GOLGA1: variants seen among roughly 807,000 people sequenced by gnomAD.
GOLGA1 encodes the protein golgin A1.
GOLGA1 carries 63 observed loss-of-function variants against 119.7 expected under a neutral mutation model. That is an observed-to-expected ratio of 0.53 (90% CI 0.43 to 0.65). The LOEUF (loss-of-function observed/expected upper bound fraction) is 0.65. Among genes scored for constraint, GOLGA1 ranks in the 30% least tolerant of loss-of-function variants. The pLI is 0.00. For synonymous variants in GOLGA1, 318 were observed against 333.4 expected, an observed-to-expected ratio of 0.95 and a Z score of 0.50; for missense variants, 798 against 912.8, an observed-to-expected ratio of 0.87 and a Z score of 1.62.
Position 124,946,866 on chromosome 9 carries a change from T to C in GOLGA1, c.-156+1052A>G, listed in dbSNP as rs1799215539. On this transcript the variant is annotated intron_variant, in intron 1 of 4. Coordinates refer to the GOLGA1 transcript ENST00000421514. This position sits in a 1 kb window ranked among gnomAD's most constrained non-coding sequence, Gnocchi z 4.0. ...TATTCAGTGGAAGCATTTTCTCAGA[T>C]GAGCCTACTCACCTTTGATATGCAA... 6.6e-6 allele frequency: 1 copy of C among 152,248 alleles called. No individual in the cohort carries two copies. The highest frequency in any genetic ancestry group is 6.5e-5 in the Admixed American group (1 of 15,286). The allele number at this position is 152,248 out of a possible 1,614,324, so 9.4% of individuals were successfully genotyped here. A position where few individuals can be genotyped will look rare whatever the true frequency, so the allele number is the denominator to read the frequency against.
At chr9:124,918,955 T>G (rs1293722212) in intron 10 of GOLGA1, among the ~76,000 whole-genome samples, 4 of 151,886 alleles carry the variant, frequency 2.6e-5, no homozygotes, top group Admixed American at 6.6e-5. Flanking sequence ...CTTTTGTATT[T>G]GAAAAATCTA....
At chr9:124,899,613 G>A (rs1007741576) in intron 13 of GOLGA1, 135 bp from the exon 14 acceptor site, 1 of 869,810 alleles carries the variant, frequency 1.1e-6, no homozygotes, top group Admixed American at 2.5e-5. Flanking sequence ...TGGCGTTGCT[G>A]AGGTCCCCCC....
At chr9:124,939,896 T>C (rs1830966758) in intron 2 of GOLGA1, among the ~76,000 whole-genome samples, 2 of 152,178 alleles carry the variant, frequency 1.3e-5, no homozygotes, top group Non-Finnish European at 2.9e-5. Flanking sequence ...TTTGACATGA[T>C]ATTCAAAGTA....
chr9:124,901,369 C>A (rs1830102038), intron 12 of GOLGA1, among the ~76,000 whole-genome samples: 1 of 150,860 alleles, frequency 6.6e-6, no homozygotes, highest in African/African-American at 2.4e-5. Flanking sequence ...CTGCTGGGTT[C>A]AAGCGATTCT....
chr9:124,925,505 T>C, intron 7 of GOLGA1, among the ~76,000 whole-genome samples: 1 of 152,000 alleles, frequency 6.6e-6, no homozygotes, highest in Non-Finnish European at 1.5e-5. Context: ...CACTTTGGTC[T>C]AGGAGTTCAA....
At position 124,888,205 on chromosome 9, in the gene GOLGA1, G is replaced by A. The variant is rs763059171; in HGVS notation, c.1905+48C>T. On this transcript the variant is annotated intron_variant, in intron 19 of 22. Coordinates refer to ENST00000373555, the MANE Select transcript of GOLGA1 (RefSeq NM_002077.4). This position sits in a 1 kb window ranked among gnomAD's most constrained non-coding sequence, Gnocchi z 4.4. Reference sequence around the variant, plus strand: ...GGACTGGGTCATTTTAGGCCTGAGGGTGAGGACCTGGTGGAGACAGAAACA... The same window carrying A: ...GGACTGGGTCATTTTAGGCCTGAGGATGAGGACCTGGTGGAGACAGAAACA... 3.2e-6 allele frequency: 5 copies of A among 1,585,318 alleles called. No homozygotes were observed. Among genetic ancestry groups the A allele is most frequent in the Non-Finnish European group, 4.3e-6 (5 of 1,154,284 alleles).
chr9:124,927,605 CATCT>C (rs749432765), intron 6 of GOLGA1, among the ~76,000 whole-genome samples: 23 of 152,168 alleles, frequency 1.5e-4, no homozygotes, highest in Non-Finnish European at 2.2e-4. Context: ...TTTAAAATGT[CATCT>C]ATTATTTTGA....
At chr9:124,916,090 A>G (rs1830436687) in intron 10 of GOLGA1, among the ~76,000 whole-genome samples, 2 of 146,992 alleles carry the variant, frequency 1.4e-5, no homozygotes, top group South Asian at 4.4e-4. Flanking sequence ...CAACAGAGCA[A>G]GACTGTATCT....
upstream of GOLGA1, chr9:124,941,128 G>A (rs971178624): frequency 1.4e-4 from 22 of 152,290 alleles, no homozygotes. Context: ...GTGGGGGGAG[G>A]GGGTTGGTCC....
At chr9:124,907,349 A>G (rs1310854769) in intron 12 of GOLGA1, among the ~76,000 whole-genome samples, 1 of 152,226 alleles carries the variant, frequency 6.6e-6, no homozygotes, top group Non-Finnish European at 1.5e-5. Flanking sequence ...TAAGTGAATT[A>G]GAGATTTATT....
intron 3 of GOLGA1, among the ~76,000 whole-genome samples, chr9:124,936,775 T>C (rs975337677): frequency 1.3e-5 from 2 of 152,138 alleles, no homozygotes; most frequent in Non-Finnish European, 2.9e-5. Flanking sequence ...GCAGTAAAAA[T>C]AAATGAACCA....
intron 3 of GOLGA1, among the ~76,000 whole-genome samples, chr9:124,935,780 A>G (rs75328817): frequency 6.6e-6 from 1 of 151,422 alleles, no homozygotes; most frequent in Non-Finnish European, 1.5e-5. Context: ...AAAAAAAAAA[A>G]AGAAAGAAAT....
chr9:124,918,310 A>G (rs969172116), intron 10 of GOLGA1, among the ~76,000 whole-genome samples: 14 of 152,166 alleles, frequency 9.2e-5, no homozygotes, highest in African/African-American at 3.4e-4. Flanking sequence ...TATTTTGCTC[A>G]CCATAATATT....
chr9:124,923,034 A>G, intron 8 of GOLGA1, 61 bp downstream of exon 8: 2 of 1,103,846 alleles, frequency 1.8e-6, no homozygotes, highest in South Asian at 2.7e-5. Flanking sequence ...AGTGATGACT[A>G]GTAAAATCAG....
chr9:124,879,753 CAT>C lies in GOLGA1; in HGVS notation c.*775_*776del, dbSNP rs3832632. 0.35 allele frequency: 53,540 copies of C among 152,204 alleles called. 9,602 individuals are homozygous for C. Among genetic ancestry groups the C allele is most frequent in the Admixed American group, 0.39 (5,971 of 15,220 alleles). The allele number at this position is 152,204 out of a possible 1,614,324, so 9.4% of individuals were successfully genotyped here. A position where few individuals can be genotyped will look rare whatever the true frequency, so the allele number is the denominator to read the frequency against. Reference sequence around the variant, plus strand: ...TAAATGGATTTTATAGTACAGAAGACATGTTTATAGTAGTGAAGAACTTCAGC... The same window carrying C: ...TAAATGGATTTTATAGTACAGAAGACGTTTATAGTAGTGAAGAACTTCAGC... On this transcript the variant is annotated 3_prime_UTR_variant, in exon 23 of 23. Coordinates refer to ENST00000373555, the MANE Select transcript of GOLGA1 (RefSeq NM_002077.4).
At chr9:124,906,766 G>T (rs1830242284) in intron 12 of GOLGA1, among the ~76,000 whole-genome samples, 1 of 152,034 alleles carries the variant, frequency 6.6e-6, no homozygotes. Flanking sequence ...AGAAAAAAAA[G>T]ATACCATCAC....
Position 124,938,820 on chromosome 9 carries a change from T to C in GOLGA1, c.-109A>G. On this transcript the variant is annotated 5_prime_UTR_variant, in exon 3 of 23. Coordinates refer to ENST00000373555, the MANE Select transcript of GOLGA1 (RefSeq NM_002077.4). Reference sequence around the variant, plus strand: ...CAAAGTTTCAGACATCCAAGCTAGCTGCATTCCCACTTAAATGTGGGCCAA... The same window carrying C: ...CAAAGTTTCAGACATCCAAGCTAGCCGCATTCCCACTTAAATGTGGGCCAA... The C allele has an allele frequency of 1.2e-6, 1 of 831,348 alleles. No homozygotes were observed. 51.5% of individuals were successfully genotyped at this position (831,348 alleles called of 1,614,324 possible). A position where few individuals can be genotyped will look rare whatever the true frequency, so the allele number is the denominator to read the frequency against.
rs536815126 is a variant in GOLGA1 at position 124,881,848 on chromosome 9, C to T, written c.2072G>A (p.Arg691His). 26 of 1,612,900 alleles carry T rather than the reference C, an allele frequency of 1.6e-5. No homozygotes were observed. The highest frequency in any genetic ancestry group is 2.2e-5 in the East Asian group (1 of 44,880). Reference sequence around the variant, plus strand: ...TTTAAGGTACTCAAAGTTGATCTCGCGGGCATCTGTCAGGTCAGTGTTATT... The same window carrying T: ...TTTAAGGTACTCAAAGTTGATCTCGTGGGCATCTGTCAGGTCAGTGTTATT... Reference protein sequence around the residue: ...VTNNTDLTDAREINFEYLKHV... With the variant: ...VTNNTDLTDAHEINFEYLKHV... Residue 691 changes from arginine (R) to histidine (H), a missense_variant, in exon 21 of 23, where the codon CGC becomes CAC. Physicochemically the swap from Arg to His is conservative, Grantham distance 29. Coordinates refer to ENST00000373555, the MANE Select transcript of GOLGA1 (RefSeq NM_002077.4). The surrounding 1 kb of genome is among the most constrained non-coding windows in gnomAD (Gnocchi z 4.9).
chr9:124,894,501 C>T (rs994444878), intron 15 of GOLGA1, among the ~76,000 whole-genome samples: 1 of 152,042 alleles, frequency 6.6e-6, no homozygotes, highest in Non-Finnish European at 1.5e-5. Context: ...GGCTCCCAAG[C>T]AGCTGGAACT....
Sources: gnomAD v4.1 joint callset for allele counts (sites outside exome capture counted in the v4.1 genomes callset) on GRCh38, gnomAD v4.1.1 for gene constraint, Gnocchi (gnomAD v3.1) non-coding constraint, MANE v1.5 for transcripts, NCBI Gene and HGNC (gene_info 2026-07-23, HGNC 2026-07-21) for gene names.